Variants in LLGL2 observed in about 807,000 individuals in gnomAD.
LLGL2 encodes LLGL2, scribble cell polarity complex component.
LLGL2 carries 81 observed loss-of-function variants against 123.2 expected under a neutral mutation model. The observed-to-expected ratio is 0.66, with a 90% CI of 0.55 to 0.79. The LOEUF is 0.79. Ranked by LOEUF, LLGL2 falls within the 30% of genes least tolerant of loss-of-function variation. The probability of loss-of-function intolerance (pLI) is 0.00; values close to 1 mark genes in which losing one functional copy is unlikely to be tolerated. For synonymous variants in LLGL2, 577 were observed against 594.1 expected (o/e 0.97, Z 0.42); for missense variants, 1,273 against 1,414.6 (o/e 0.90, Z 1.61).
Position 75,573,066 on chromosome 17 carries a change from T to C in LLGL2, c.2513T>C (p.Leu838Pro). The C allele has an allele frequency of 6.2e-7, 1 of 1,613,038 alleles. No individual in the cohort carries two copies. Among genetic ancestry groups the C allele is most frequent in the Non-Finnish European group, 8.5e-7 (1 of 1,179,914 alleles). The change falls in exon 20 of 26, where the codon CTG (leucine) becomes CCG (proline). Residue 838 changes from leucine to proline, a missense_variant. Physicochemically the swap from Leu to Pro is moderately conservative, Grantham distance 98. Transcript: ENST00000392550. Reference protein sequence around the residue: ...SAKLKLKLTALEGSRVRRVSV... With the variant: ...SAKLKLKLTAPEGSRVRRVSV... ...AAGCTGAAGTTGAAGCTGACGGCCCTGGAGGGCTCAAGAGTGCGGCGGGTC... is the reference window on the plus strand; with the variant it reads ...AAGCTGAAGTTGAAGCTGACGGCCCCGGAGGGCTCAAGAGTGCGGCGGGTC...
intron 1 of LLGL2, among the ~76,000 whole-genome samples, chr17:75,534,526 G>A (rs936891655): frequency 1.3e-5 from 2 of 152,176 alleles, no homozygotes; most frequent in African/African-American, 4.8e-5. Flanking sequence ...TGTCACCCAG[G>A]CTGGAGCACA....
chr17:75,556,280 G>T, intron 3 of LLGL2, 137 bp downstream of exon 3: 1 of 713,344 alleles, frequency 1.4e-6, no homozygotes, highest in Non-Finnish European at 2.3e-6. Context: ...TTTTGGACAT[G>T]ATTTTATTCC....
At chr17:75,542,172 T>G (rs1026223662) in intron 1 of LLGL2, among the ~76,000 whole-genome samples, 14 of 152,122 alleles carry the variant, frequency 9.2e-5, no homozygotes, top group Non-Finnish European at 1.9e-4. Context: ...TGCAAAGTCC[T>G]GACCTGATGG....
chr17:75,551,228 G>A (rs2054657494), intron 2 of LLGL2, among the ~76,000 whole-genome samples: 1 of 152,176 alleles, frequency 6.6e-6, no homozygotes, highest in Admixed American at 6.6e-5. Flanking sequence ...TGATACTATG[G>A]AACAATGCGA....
intron 1 of LLGL2, among the ~76,000 whole-genome samples, chr17:75,534,736 C>T (rs1336167317): frequency 6.6e-6 from 1 of 152,204 alleles, no homozygotes; most frequent in South Asian, 2.1e-4. Flanking sequence ...CTGCCTCGAC[C>T]TCCCAAAGTG....
At chr17:75,532,342 C>G (rs2053830656) in intron 1 of LLGL2, among the ~76,000 whole-genome samples, 1 of 152,148 alleles carries the variant, frequency 6.6e-6, no homozygotes, top group African/African-American at 2.4e-5. Flanking sequence ...GCTCCGCCTC[C>G]TGGGTTCACA....
rs762316279 is a variant in LLGL2, at chr17:75,568,692, T to C, written c.1253T>C (p.Met418Thr). ...GSRQNAHFST[M>T]EWPIDGGTSL... Reference sequence around the variant, plus strand: ...CGGCAGAACGCACACTTCTCCACCATGGTAGGTCTGGCCCTGGCCCCAGCC... The same window carrying C: ...CGGCAGAACGCACACTTCTCCACCACGGTAGGTCTGGCCCTGGCCCCAGCC... Residue 418 changes from methionine to threonine, a missense_variant and splice_region_variant, in exon 11 of 26, where the codon ATG becomes ACG. Met to Thr is a moderately conservative substitution (Grantham distance 81). Coordinates refer to ENST00000392550, the MANE Select transcript of LLGL2 (RefSeq NM_001031803.2). 17 of 1,613,686 alleles carry C rather than the reference T, an allele frequency of 1.1e-5. No individual in the cohort carries two copies. The highest frequency in any genetic ancestry group is 1.6e-4 in the Middle Eastern group (1 of 6,084).
chr17:75,570,811 G>C, intron 16 of LLGL2, 139 bp from the exon 17 acceptor site: 1 of 1,160,506 alleles, frequency 8.6e-7, no homozygotes, highest in Non-Finnish European at 1.2e-6. Context: ...CTTGGACAAG[G>C]GTCCCTCTAG....
At chr17:75,574,299 T>TGGGGAGGGGG in intron 23 of LLGL2, 39 bp downstream of exon 23, 1 of 239,652 alleles carries the variant, frequency 4.2e-6, no homozygotes, top group Admixed American at 9.2e-5. Context: ...GCAGGAGGGG[T>TGGGGAGGGGG]GGGGAAGGGG....
chr17:75,545,307 C>T (rs944859578), intron 2 of LLGL2, among the ~76,000 whole-genome samples: 6 of 152,304 alleles, frequency 3.9e-5, no homozygotes, highest in East Asian at 1.9e-4. Context: ...TCTTTCCATT[C>T]ATATGCAAGA....
chr17:75,573,344 G>A, intron 20 of LLGL2, 66 bp downstream of exon 20: 3 of 1,556,888 alleles, frequency 1.9e-6, no homozygotes, highest in Non-Finnish European at 1.7e-6. Context: ...GGGTGGCCAG[G>A]GGTGTTGTGG....
chr17:75,570,226 C>T lies in LLGL2; in HGVS notation c.1845C>T (p.Asp615=), dbSNP rs1249864763. The T allele has an allele frequency of 1.2e-6, 2 of 1,601,392 alleles. No individual in the cohort carries two copies. Among genetic ancestry groups the T allele is most frequent in the Non-Finnish European group, 1.7e-6 (2 of 1,174,772 alleles). Residue 615 remains aspartate, a synonymous_variant, in exon 15 of 26, where the codon GAC becomes GAT. Transcript: ENST00000392550. ...FGTSHGFGLF[D]HQQRRQVFVK... ...CCAGCCATGGCTTTGGCCTCTTTGACCACCAGCAGCGGCGGCAGGTCTTTG... is the reference window on the plus strand; with the variant it reads ...CCAGCCATGGCTTTGGCCTCTTTGATCACCAGCAGCGGCGGCAGGTCTTTG...
At chr17:75,568,276 C>G in intron 10 of LLGL2, 200 bp from the exon 11 acceptor site, 1 of 1,429,872 alleles carries the variant, frequency 7.0e-7, no homozygotes, top group Non-Finnish European at 9.1e-7. Flanking sequence ...CCAGGGAGCT[C>G]TCAGCAGCCT....
At position 75,572,664 on chromosome 17, in the gene LLGL2, CAA is replaced by C. The variant is rs71161230; in HGVS notation, c.2461-334_2461-333del. Among the ~76,000 whole-genome samples the C allele has an allele frequency of 2.8e-3, 236 of 83,340 alleles. 2 individuals are homozygous for C. In the East Asian group the frequency reaches 0.077, roughly 27 times the overall value. 54.7% of individuals were successfully genotyped at this position (83,340 alleles called of 152,430 possible). A position where few individuals can be genotyped will look rare whatever the true frequency, so the allele number is the denominator to read the frequency against. ...TGGGCGACAGAGCGAGATTCCGTCT[CAA>C]AAAAAAAAAAAAAAACCAGCATGGT... On this transcript the variant is annotated intron_variant, in intron 19 of 25. Transcript: ENST00000392550.
At chr17:75,567,816 C>T (rs1458745151) in intron 10 of LLGL2, 1 of 153,398 alleles carries the variant, frequency 6.5e-6, no homozygotes, top group East Asian at 1.9e-4. Flanking sequence ...GTGGCTCACA[C>T]CTGTAATCCC....
intron 2 of LLGL2, among the ~76,000 whole-genome samples, chr17:75,554,806 G>A (rs1228654596): frequency 1.3e-5 from 2 of 150,122 alleles, no homozygotes; most frequent in Non-Finnish European, 3.0e-5. Context: ...GGAGAATGGC[G>A]TGAACCTGGG....
At chr17:75,571,557 G>C in intron 17 of LLGL2, 110 bp from the exon 18 acceptor site, 1 of 786,074 alleles carries the variant, frequency 1.3e-6, no homozygotes, top group South Asian at 1.5e-5. Flanking sequence ...GGTTGTCAGA[G>C]AGCCTTCCAG....
rs1326868702 is a variant in LLGL2, at chr17:75,529,153, CA to C, written c.-31+3337del. On this transcript the variant is annotated intron_variant, in intron 1 of 25. Coordinates refer to ENST00000392550, the MANE Select transcript of LLGL2 (RefSeq NM_001031803.2). ...CCTGGGCAATAGAGTGAGACTGTCT[CA>C]AAAAAAAAGAGAGCAAAAAATTATC... Among the ~76,000 whole-genome samples the C allele has an allele frequency of 4.7e-5, 7 of 149,804 alleles. 1 individual carries two copies. Among genetic ancestry groups the C allele is most frequent in the East Asian group, 3.9e-4 (2 of 5,080 alleles).
rs183126480 is a variant in LLGL2, at chr17:75,548,143, A to C, written c.75+4642A>C. Among the ~76,000 whole-genome samples the C allele has an allele frequency of 2.6e-4, 40 of 152,288 alleles. No individual in the cohort carries two copies. The East Asian group carries it at 7.5e-3, about 29-fold the overall frequency. On this transcript the variant is annotated intron_variant, in intron 2 of 25. Coordinates refer to ENST00000392550, the MANE Select transcript of LLGL2 (RefSeq NM_001031803.2). ...CGGTAAGTATAATGCAAATATTCCGAAACCCAAAAGATTCTGAAATCTAAA... is the reference window on the plus strand; with the variant it reads ...CGGTAAGTATAATGCAAATATTCCGCAACCCAAAAGATTCTGAAATCTAAA...
Sources: allele counts gnomAD v4.1 joint callset (sites outside exome capture counted in the v4.1 genomes callset), GRCh38; gene constraint gnomAD v4.1.1; transcripts MANE v1.5; gene names NCBI Gene and HGNC (gene_info 2026-07-23, HGNC 2026-07-21).